GRID2: variants seen among roughly 807,000 people sequenced by gnomAD.
GRID2 encodes the protein glutamate receptor ionotropic, delta-2.
A neutral mutation model predicts 114.8 loss-of-function variants in GRID2; 33 were observed. The observed-to-expected ratio is 0.29, with a 90% CI of 0.22 to 0.38. The LOEUF (loss-of-function observed/expected upper bound fraction) is 0.38. Ranked by LOEUF, GRID2 falls within the 10% of genes least tolerant of loss-of-function variation. The probability of loss-of-function intolerance (pLI) is 1.00; values close to 1 mark genes in which losing one functional copy is unlikely to be tolerated. For missense variants in GRID2, 1,184 were observed against 1,257.7 expected, an observed-to-expected ratio of 0.94 and a Z score of 0.89; for synonymous variants, 505 against 449.9, an observed-to-expected ratio of 1.12 and a Z score of -1.55.
At chr4:93,471,239 G>C (rs1202529710) in intron 11 of GRID2, among the ~76,000 whole-genome samples, 1 of 152,104 alleles carries the variant, frequency 6.6e-6, no homozygotes, top group Non-Finnish European at 1.5e-5. Flanking sequence ...ATGATATTTT[G>C]ATAATTTCCT....
chr4:93,449,804 T>G (rs1424853549), intron 10 of GRID2, among the ~76,000 whole-genome samples: 1 of 152,020 alleles, frequency 6.6e-6, no homozygotes, highest in African/African-American at 2.4e-5. Context: ...GAATGAAGAA[T>G]TAAAGGCTTG....
At chr4:92,573,594 T>G (rs986371430) in intron 1 of GRID2, among the ~76,000 whole-genome samples, 7 of 152,240 alleles carry the variant, frequency 4.6e-5, no homozygotes, top group African/African-American at 1.7e-4. Flanking sequence ...AGGAGCAGGT[T>G]GTTCAATTTC....
At chr4:93,626,980 T>C (rs763445210) in intron 14 of GRID2, among the ~76,000 whole-genome samples, 1 of 152,198 alleles carries the variant, frequency 6.6e-6, no homozygotes, top group African/African-American at 2.4e-5. Context: ...AGATAACTTA[T>C]TGAGACATTA....
At position 92,892,149 on chromosome 4, in the gene GRID2, C is replaced by T. The variant is rs568627536; in HGVS notation, c.245-192846C>T. Among the ~76,000 whole-genome samples, 480 of 151,966 alleles carry T rather than the reference C, an allele frequency of 3.2e-3. 1 individual carries two copies. Among genetic ancestry groups the T allele is most frequent in the Non-Finnish European group, 5.1e-3 (344 of 67,978 alleles). On this transcript the variant is annotated intron_variant, in intron 2 of 15. Transcript: ENST00000282020. Reference sequence around the variant, plus strand: ...CACGATCTTGGCTCACTGCAACCTCCGCCTCCAGGGTTCAAGCAATTCTCT... The same window carrying T: ...CACGATCTTGGCTCACTGCAACCTCTGCCTCCAGGGTTCAAGCAATTCTCT...
intron 13 of GRID2, among the ~76,000 whole-genome samples, chr4:93,535,481 C>A (rs1481658414): frequency 6.6e-6 from 1 of 151,916 alleles, no homozygotes; most frequent in Non-Finnish European, 1.5e-5. Context: ...GTACTTTTTC[C>A]CATAATGGCT....
intron 2 of GRID2, among the ~76,000 whole-genome samples, chr4:92,926,895 C>T (rs1008773403): frequency 1.3e-5 from 2 of 151,828 alleles, no homozygotes; most frequent in Non-Finnish European, 2.9e-5. Context: ...GGGCAGAGTC[C>T]TCATAACCTA....
At chr4:92,552,766 A>G (rs992524912) in intron 1 of GRID2, among the ~76,000 whole-genome samples, 18 of 152,200 alleles carry the variant, frequency 1.2e-4, no homozygotes, top group African/African-American at 4.3e-4. Flanking sequence ...GTTCAACATT[A>G]TAACTAATAA....
At chr4:92,910,128 T>C (rs932530605) in intron 2 of GRID2, among the ~76,000 whole-genome samples, 5 of 151,996 alleles carry the variant, frequency 3.3e-5, no homozygotes, top group African/African-American at 1.2e-4. Context: ...GGATGGATGA[T>C]GTGGACATAA....
Position 93,150,848 on chromosome 4 carries a change from C to T in GRID2, c.735+39895C>T, listed in dbSNP as rs565545212. Among the ~76,000 whole-genome samples, 122 of 151,984 alleles carry T rather than the reference C, an allele frequency of 8.0e-4. 1 individual carries two copies. Among genetic ancestry groups the T allele is most frequent in the African/African-American group, 2.8e-3 (118 of 41,474 alleles). On this transcript the variant is annotated intron_variant, in intron 4 of 15. Coordinates refer to ENST00000282020, the MANE Select transcript of GRID2 (RefSeq NM_001510.4). Reference sequence around the variant, plus strand: ...TACCCACAGAAATACAGTCAGAGGTCGGGCGCGGTGGCTCTCGCCTGTAAT... The same window carrying T: ...TACCCACAGAAATACAGTCAGAGGTTGGGCGCGGTGGCTCTCGCCTGTAAT...
intron 2 of GRID2, among the ~76,000 whole-genome samples, chr4:92,693,758 A>C (rs1734296395): frequency 6.6e-6 from 1 of 152,242 alleles, no homozygotes; most frequent in African/African-American, 2.4e-5. Context: ...TTTTCAAATC[A>C]ATTTCATGGA....
At chr4:92,426,318 C>G (rs911209819) in intron 1 of GRID2, among the ~76,000 whole-genome samples, 1 of 152,056 alleles carries the variant, frequency 6.6e-6, no homozygotes, top group Non-Finnish European at 1.5e-5. Context: ...ACATGATATA[C>G]AAAGAACTTT....
intron 14 of GRID2, among the ~76,000 whole-genome samples, chr4:93,723,894 A>T (rs552187113): frequency 6.6e-6 from 1 of 152,344 alleles, no homozygotes; most frequent in South Asian, 2.1e-4. Context: ...TTAAAGGCAG[A>T]CTACATTCTT....
In GRID2 at chr4:92,578,725, T is replaced by TATCAATCAATCA. The variant is rs80304481; in HGVS notation, c.89-11403_89-11402insAATCAATCAATC. Among the ~76,000 whole-genome samples the TATCAATCAATCA allele has an allele frequency of 3.5e-3, 519 of 149,616 alleles. 2 individuals carry two copies. Among genetic ancestry groups the TATCAATCAATCA allele is most frequent in the African/African-American group, 0.011 (454 of 40,244 alleles). ...AACAACAAAAATATCATTATCTATC[T>TATCAATCAATCA]ATCTATCAATCTATCTATCTATCTA... is the stretch of plus-strand genomic sequence containing the variant. On this transcript the variant is annotated intron_variant, in intron 1 of 15. Coordinates refer to ENST00000282020, the MANE Select transcript of GRID2 (RefSeq NM_001510.4).
At chr4:92,502,196 A>G (rs1197330902) in intron 1 of GRID2, among the ~76,000 whole-genome samples, 1 of 152,100 alleles carries the variant, frequency 6.6e-6, no homozygotes, top group Non-Finnish European at 1.5e-5. Flanking sequence ...TTTCTATTGC[A>G]GTTTTCAAAA....
At chr4:93,352,341 A>C (rs1383718279) in intron 8 of GRID2, among the ~76,000 whole-genome samples, 2 of 152,054 alleles carry the variant, frequency 1.3e-5, no homozygotes, top group Non-Finnish European at 2.9e-5. Context: ...TAAAGAAGGA[A>C]AAGTACCAGG....
intron 1 of GRID2, among the ~76,000 whole-genome samples, chr4:92,414,118 AG>A (rs1319354938): frequency 6.6e-6 from 1 of 152,202 alleles, no homozygotes; most frequent in East Asian, 1.9e-4. Flanking sequence ...GTAAGTTTGT[AG>A]ACTGGAAATG....
chr4:93,695,826 G>A (rs1578592796), intron 14 of GRID2, among the ~76,000 whole-genome samples: 2 of 152,288 alleles, frequency 1.3e-5, no homozygotes, highest in South Asian at 2.1e-4. Context: ...CTTCTTAAAT[G>A]TGAAAAGACA....
intron 10 of GRID2, among the ~76,000 whole-genome samples, chr4:93,423,963 C>A (rs567040434): frequency 3.4e-3 from 522 of 151,916 alleles, no homozygotes; most frequent in Non-Finnish European, 6.0e-3. Context: ...CTCTTACTGC[C>A]TTTTTAGTTG....
intron 2 of GRID2, among the ~76,000 whole-genome samples, chr4:92,981,888 T>G (rs1189141893): frequency 6.6e-6 from 1 of 151,804 alleles, no homozygotes; most frequent in Non-Finnish European, 1.5e-5. Context: ...GATCAACAAC[T>G]GTAAATGATT....
Sources: allele counts gnomAD v4.1 joint callset (sites outside exome capture counted in the v4.1 genomes callset), GRCh38; gene constraint gnomAD v4.1.1; transcripts MANE v1.5; gene names NCBI Gene and HGNC (gene_info 2026-07-23, HGNC 2026-07-21).